Variants in HERC3 observed in about 807,000 individuals in gnomAD.
HERC3 encodes HECT and RLD domain containing E3 ubiquitin protein ligase 3, also known as probable E3 ubiquitin-protein ligase HERC3.
Under a neutral mutation model 129.9 loss-of-function variants are expected in HERC3, and 58 were observed. That is an observed-to-expected ratio of 0.45 (90% confidence interval 0.36 to 0.56). The LOEUF is 0.56. Ranked by LOEUF, HERC3 falls within the 20% of genes least tolerant of loss-of-function variation. The probability of loss-of-function intolerance (pLI) is 0.00; values close to 1 mark genes in which losing one functional copy is unlikely to be tolerated. For missense variants in HERC3, 835 were observed against 1,244.2 expected, an observed-to-expected ratio of 0.67 and a Z score of 4.95; for synonymous variants, 430 against 451.0, an observed-to-expected ratio of 0.95 and a Z score of 0.59.
intron 3 of HERC3, among the ~76,000 whole-genome samples, chr4:88,648,407 T>C (rs1386043308): frequency 6.6e-6 from 1 of 152,188 alleles, no homozygotes; most frequent in East Asian, 1.9e-4. Context: ...GAGCTTTACA[T>C]GCTCCAGAAC....
the HERC3 span, chr4:88,527,241 TTC>T: frequency 6.6e-6 from 1 of 151,960 alleles, no homozygotes; most frequent in Non-Finnish European, 1.5e-5. Flanking sequence ...CTCTCTCACT[TTC>T]TCTCTTTCTT....
At chr4:88,704,693 G>T in intron 25 of HERC3, 83 bp downstream of exon 25, 2 of 823,954 alleles carry the variant, frequency 2.4e-6, no homozygotes, top group Non-Finnish European at 4.1e-6. Context: ...CACAGCTGAG[G>T]CTTAACTCAT....
chr4:88,619,540 A>T (rs1237286513), intron 3 of HERC3, among the ~76,000 whole-genome samples: 1 of 152,250 alleles, frequency 6.6e-6, no homozygotes, highest in Non-Finnish European at 1.5e-5. Flanking sequence ...AGGAAAAAAA[A>T]TTAGGGGAAT....
upstream of HERC3, among the ~76,000 whole-genome samples, chr4:88,588,536 A>T (rs953348671): frequency 6.6e-6 from 1 of 152,220 alleles, no homozygotes; most frequent in African/African-American, 2.4e-5. Flanking sequence ...TCAAATAATC[A>T]GTCAGTGCTT....
intron 13 of HERC3, 23 bp downstream of exon 13, chr4:88,667,511 T>A: frequency 1.5e-6 from 2 of 1,327,312 alleles, no homozygotes; most frequent in Non-Finnish European, 2.1e-6. Context: ...ATTTGTAAAG[T>A]GCATTCTTAA....
chr4:88,546,899 A>G, the HERC3 span, among the ~76,000 whole-genome samples: 1 of 152,168 alleles, frequency 6.6e-6, no homozygotes, highest in Non-Finnish European at 1.5e-5. Flanking sequence ...CTGAGTTACT[A>G]TTCTTCAATA....
At position 88,708,535 on chromosome 4, in the gene HERC3, TA is replaced by T. The variant is rs2149355658; in HGVS notation, c.*1579del. The stretch of plus-strand genomic sequence containing the variant: ...ATGCAATAAATTTGGTGTTTTAACT[TA>T]AAACTATTTCTTATTGTACTTGCAG... On this transcript the variant is annotated 3_prime_UTR_variant, in exon 26 of 26. Coordinates refer to ENST00000402738, the MANE Select transcript of HERC3 (RefSeq NM_014606.3). 1 of 152,758 alleles carries T rather than the reference TA, an allele frequency of 6.5e-6. No homozygotes were observed. Among genetic ancestry groups the T allele is most frequent in the African/African-American group, 2.4e-5 (1 of 41,576 alleles). 9.5% of individuals were successfully genotyped at this position (152,758 alleles called of 1,614,324 possible). A position where few individuals can be genotyped will look rare whatever the true frequency, so the allele number is the denominator to read the frequency against.
At chr4:88,583,681 G>C in the HERC3 span, 1 of 152,190 alleles carries the variant, frequency 6.6e-6, no homozygotes, top group African/African-American at 2.4e-5. Flanking sequence ...ATCACAGGTG[G>C]AGAGGGGCGC....
intron 3 of HERC3, among the ~76,000 whole-genome samples, chr4:88,622,342 C>T (rs1725618195): frequency 6.6e-6 from 1 of 152,186 alleles, no homozygotes; most frequent in South Asian, 2.1e-4. Flanking sequence ...CAAATAATAT[C>T]CCATTGTATG....
intron 3 of HERC3, among the ~76,000 whole-genome samples, chr4:88,632,018 T>C (rs1726826862): frequency 1.3e-5 from 2 of 152,212 alleles, no homozygotes; most frequent in African/African-American, 4.8e-5. Flanking sequence ...TTACCATTTT[T>C]TCCCCTCTTA....
chr4:88,593,784 G>C (rs1320161389), intron 1 of HERC3, among the ~76,000 whole-genome samples: 1 of 152,144 alleles, frequency 6.6e-6, no homozygotes, highest in Non-Finnish European at 1.5e-5. Context: ...CTAGACTTGA[G>C]AGAAATGAAA....
chr4:88,545,414 T>G, the HERC3 span, among the ~76,000 whole-genome samples: 1 of 150,890 alleles, frequency 6.6e-6, no homozygotes, highest in South Asian at 2.1e-4. Context: ...AAAGGAAATC[T>G]TTCCTTTTGA....
the HERC3 span, among the ~76,000 whole-genome samples, chr4:88,556,712 C>A: frequency 3.9e-5 from 6 of 152,054 alleles, no homozygotes; most frequent in African/African-American, 1.4e-4. Context: ...CCTCAGACAC[C>A]AATTAGATTC....
chr4:88,638,873 G>A lies in HERC3; in HGVS notation c.227-10967G>A, dbSNP rs1401394190. On this transcript the variant is annotated intron_variant, in intron 3 of 25. Coordinates refer to ENST00000402738, the MANE Select transcript of HERC3 (RefSeq NM_014606.3). ...TCTCAGCCCAAAAATGCCTTGAGCC[G>A]ATAAGCAACTTAGGCAAAGTCTCAG... Among the ~76,000 whole-genome samples the A allele has an allele frequency of 3.9e-5, 6 of 152,222 alleles. No individual in the cohort carries two copies. In the South Asian group the frequency reaches 6.2e-4, roughly 16 times the overall value.
At chr4:88,608,022 GT>G (rs1384111712) in intron 3 of HERC3, among the ~76,000 whole-genome samples, 2 of 152,178 alleles carry the variant, frequency 1.3e-5, no homozygotes, top group African/African-American at 2.4e-5. Context: ...TAACCTTACA[GT>G]TTTTTCTAGA....
chr4:88,698,934 C>T (rs1419520083), intron 23 of HERC3, among the ~76,000 whole-genome samples: 7 of 140,438 alleles, frequency 5.0e-5, no homozygotes, highest in Middle Eastern at 3.6e-3. Context: ...TCACCCTCCT[C>T]ACCCCCTTCT....
At chr4:88,633,747 C>T (rs973429047) in intron 3 of HERC3, among the ~76,000 whole-genome samples, 3 of 151,904 alleles carry the variant, frequency 2.0e-5, no homozygotes, top group African/African-American at 7.3e-5. Flanking sequence ...TAAAAAAACC[C>T]CAGCAAATTA....
At chr4:88,671,236 A>G (rs1452720132) in intron 16 of HERC3, among the ~76,000 whole-genome samples, 1 of 152,046 alleles carries the variant, frequency 6.6e-6, no homozygotes, top group Non-Finnish European at 1.5e-5. Flanking sequence ...TGGTTATTGT[A>G]TTTTGTGAAG....
Position 88,708,061 on chromosome 4 carries a change from G to A in HERC3, c.*1101G>A, listed in dbSNP as rs1283124953. 2 of 151,964 alleles carry A rather than the reference G, an allele frequency of 1.3e-5. No homozygotes were observed. The highest frequency in any genetic ancestry group is 2.9e-5 in the Non-Finnish European group (2 of 67,936). 9.4% of individuals were successfully genotyped at this position (151,964 alleles called of 1,614,324 possible). A position where few individuals can be genotyped will look rare whatever the true frequency, so the allele number is the denominator to read the frequency against. On this transcript the variant is annotated 3_prime_UTR_variant, in exon 26 of 26. Transcript: ENST00000402738. ...ATTTAAATTGCAAAATTTTTACTCA[G>A]ATTTTTTTTCCTCTTCCCTAATTGC...
Sources: allele counts gnomAD v4.1 joint callset (sites outside exome capture counted in the v4.1 genomes callset), GRCh38; gene constraint gnomAD v4.1.1; transcripts MANE v1.5; gene names NCBI Gene and HGNC (gene_info 2026-07-23, HGNC 2026-07-21).